LRP1B: variants seen among roughly 807,000 people sequenced by gnomAD.
LRP1B encodes low-density lipoprotein receptor-related protein 1B.
In LRP1B, 217 loss-of-function variants were observed where a neutral mutation model predicts 556.6. The observed-to-expected ratio is 0.39, with a 90% CI of 0.35 to 0.44. The LOEUF is 0.44. LRP1B is among the 20% of genes least tolerant of loss of function. The pLI is 1.00. For missense variants in LRP1B, 5,053 were observed against 5,620.8 expected, an observed-to-expected ratio of 0.90 and a Z score of 3.23; for synonymous variants, 2,047 against 1,865.8, an observed-to-expected ratio of 1.10 and a Z score of -2.50.
At chr2:141,510,236 C>CACACACACACACACA (rs1553524111) in intron 2 of LRP1B, among the ~76,000 whole-genome samples, 28 of 132,250 alleles carry the variant, frequency 2.1e-4, no homozygotes, top group African/African-American at 6.0e-4. Context: ...ACACACACAC[C>CACACACACACACACA]CCCCACAGTC....
chr2:140,313,499 A>T (rs1247437224), intron 83 of LRP1B, among the ~76,000 whole-genome samples: 3 of 151,924 alleles, frequency 2.0e-5, no homozygotes, highest in Non-Finnish European at 4.4e-5. Context: ...AATAGGCAGC[A>T]ATAGTTTGGA....
Position 140,508,185 on chromosome 2 carries a change from C to A in LRP1B, c.8399-1267G>T, listed in dbSNP as rs990449076. ...TTTCCCAATTCCATGTCTTAATAAG[C>A]ACTTTTCTCTACATGAAACACCTTT... On this transcript the variant is annotated intron_variant, in intron 52 of 90. Transcript: ENST00000389484. 3.9e-5 allele frequency among the ~76,000 whole-genome samples: 6 copies of A among 152,150 alleles called. No homozygotes were observed. The East Asian group carries it at 1.2e-3, about 29-fold the overall frequency.
At chr2:141,601,571 C>T (rs1350719870) in intron 2 of LRP1B, among the ~76,000 whole-genome samples, 3 of 150,850 alleles carry the variant, frequency 2.0e-5, no homozygotes, top group Admixed American at 6.6e-5. Context: ...ATATTAGTAG[C>T]GTGATTTAAC....
At chr2:141,976,520 C>T (rs765352641) in intron 1 of LRP1B, among the ~76,000 whole-genome samples, 2 of 152,022 alleles carry the variant, frequency 1.3e-5, no homozygotes, top group African/African-American at 4.8e-5. Flanking sequence ...GGTCACAGCC[C>T]TATGAATCTT....
intron 25 of LRP1B, 26 bp from the exon 26 acceptor site, chr2:140,868,289 T>C: frequency 1.7e-6 from 2 of 1,205,490 alleles, no homozygotes; most frequent in Non-Finnish European, 2.3e-6. Flanking sequence ...AAAAAAGAAA[T>C]AATACTATTG....
chr2:141,730,448 C>G (rs1292949965), intron 2 of LRP1B, among the ~76,000 whole-genome samples: 1 of 152,150 alleles, frequency 6.6e-6, no homozygotes, highest in Non-Finnish European at 1.5e-5. Context: ...GCTTGATAAA[C>G]TACTGGAAAA....
chr2:142,108,614 T>C (rs1706845787), intron 1 of LRP1B, among the ~76,000 whole-genome samples: 1 of 152,206 alleles, frequency 6.6e-6, no homozygotes, highest in Non-Finnish European at 1.5e-5. Flanking sequence ...AATATAGGCT[T>C]CATGAAAATC....
rs143381299 is a variant in LRP1B, at chr2:140,267,510, T to C, written c.13247+2732A>G. Among the ~76,000 whole-genome samples, 21 of 152,086 alleles carry C rather than the reference T, an allele frequency of 1.4e-4. No individual in the cohort carries two copies. In the East Asian group the frequency reaches 3.9e-3, roughly 28 times the overall value. On this transcript the variant is annotated intron_variant, in intron 86 of 90. Coordinates refer to ENST00000389484, the MANE Select transcript of LRP1B (RefSeq NM_018557.3). ...TAACACAATGTAAATGCTATGTAAA[T>C]AGTTGTTTTACTGTATTGTTTAGAG...
chr2:141,674,809 T>A (rs1690814195), intron 2 of LRP1B, among the ~76,000 whole-genome samples: 1 of 152,004 alleles, frequency 6.6e-6, no homozygotes, highest in Admixed American at 6.6e-5. Flanking sequence ...ACGGGTAGAT[T>A]TCTAGAAAAG....
In LRP1B at chr2:141,015,681, G is replaced by A. The variant is rs2105388735; in HGVS notation, c.2190+15C>T. 6.3e-7 allele frequency: 1 copy of A among 1,583,722 alleles called. No homozygotes were observed. The highest frequency in any genetic ancestry group is 8.7e-7 in the Non-Finnish European group (1 of 1,153,940). On this transcript the variant is annotated intron_variant, in intron 13 of 90. Coordinates refer to ENST00000389484, the MANE Select transcript of LRP1B (RefSeq NM_018557.3). Reference sequence around the variant, plus strand: ...AGAAGCCTGTGGGTTAAAAACAGCAGCATTTGTCTTTTACCTTCCTGTGAG... The same window carrying A: ...AGAAGCCTGTGGGTTAAAAACAGCAACATTTGTCTTTTACCTTCCTGTGAG...
chr2:140,811,594 G>A (rs1690927492), intron 32 of LRP1B, among the ~76,000 whole-genome samples: 3 of 152,176 alleles, frequency 2.0e-5, no homozygotes, highest in South Asian at 4.1e-4. Flanking sequence ...TTGGAAATAA[G>A]TTTTTGAAAA....
intron 3 of LRP1B, among the ~76,000 whole-genome samples, chr2:141,257,572 A>G (rs1684522136): frequency 6.6e-6 from 1 of 152,178 alleles, no homozygotes; most frequent in East Asian, 1.9e-4. Context: ...AATCTGAAAG[A>G]CCAGACCTCA....
chr2:141,206,542 G>T (rs6733026), intron 6 of LRP1B, among the ~76,000 whole-genome samples: 7 of 151,604 alleles, frequency 4.6e-5, no homozygotes, highest in African/African-American at 1.7e-4. Context: ...AGCCGAGATC[G>T]TGCCACTGCA....
chr2:141,890,323 CATATAT>C (rs556472129), intron 1 of LRP1B, among the ~76,000 whole-genome samples: 13 of 83,814 alleles, frequency 1.6e-4, no homozygotes, highest in Non-Finnish European at 2.1e-4. Context: ...GGGCACAATA[CATATAT>C]ATATATATAT....
intron 3 of LRP1B, among the ~76,000 whole-genome samples, chr2:141,396,642 T>C (rs1230191293): frequency 6.6e-6 from 1 of 152,190 alleles, no homozygotes; most frequent in Non-Finnish European, 1.5e-5. Flanking sequence ...TAGATGTATC[T>C]TTGCTCTTTC....
intron 12 of LRP1B, among the ~76,000 whole-genome samples, chr2:141,017,242 A>G (rs1426146954): frequency 2.0e-5 from 3 of 152,014 alleles, no homozygotes; most frequent in Non-Finnish European, 4.4e-5. Flanking sequence ...ACTTGACATC[A>G]GCTATATAAA....
intron 43 of LRP1B, among the ~76,000 whole-genome samples, chr2:140,550,598 G>C (rs1463469100): frequency 3.3e-5 from 5 of 152,086 alleles, no homozygotes; most frequent in Admixed American, 3.3e-4. Flanking sequence ...TCACATCACT[G>C]TCAGTCCTCC....
At position 141,464,604 on chromosome 2, in the gene LRP1B, A is replaced by ATTTTTTTTTTTTTTTTTT. The variant is rs1415837703; in HGVS notation, c.343+15791_343+15792insAAAAAAAAAAAAAAAAAA. On this transcript the variant is annotated intron_variant, in intron 3 of 90. Coordinates refer to ENST00000389484, the MANE Select transcript of LRP1B (RefSeq NM_018557.3). Reference sequence around the variant, plus strand: ...ATTTTGTATATATATATATATATATATATTTTTTTAGTAGAGATGGGGTTT... The same window carrying ATTTTTTTTTTTTTTTTTT: ...ATTTTGTATATATATATATATATATATTTTTTTTTTTTTTTTTTTATTTTTTTAGTAGAGATGGGGTTT... Among the ~76,000 whole-genome samples the ATTTTTTTTTTTTTTTTTT allele has an allele frequency of 2.6e-4, 19 of 72,768 alleles. No individual in the cohort carries two copies. In the East Asian group the frequency reaches 3.4e-3, roughly 13 times the overall value. 47.7% of individuals were successfully genotyped at this position (72,768 alleles called of 152,430 possible).
intron 77 of LRP1B, among the ~76,000 whole-genome samples, chr2:140,342,878 G>T (rs561494291): frequency 6.6e-6 from 1 of 151,678 alleles, no homozygotes; most frequent in South Asian, 2.1e-4. Context: ...CTGGATAAAA[G>T]ACTTTCCTAA....
Sources: gnomAD v4.1 joint callset for allele counts (sites outside exome capture counted in the v4.1 genomes callset) on GRCh38, gnomAD v4.1.1 for gene constraint, MANE v1.5 for transcripts, NCBI Gene and HGNC (gene_info 2026-07-23, HGNC 2026-07-21) for gene names.